HIVEP3: variants seen among roughly 807,000 people sequenced by gnomAD.
HIVEP3 encodes transcription factor HIVEP3.
HIVEP3 carries 49 observed loss-of-function variants against 152.8 expected under a neutral mutation model. The ratio of observed to expected loss-of-function variants is 0.32; its 90% CI spans 0.26 to 0.41. HIVEP3 has a LOEUF of 0.41. Among genes scored for constraint, HIVEP3 ranks in the 10% least tolerant of loss-of-function variants. The pLI, the probability that HIVEP3 is intolerant of heterozygous loss-of-function variation, is 1.00. For missense variants in HIVEP3, 2,790 were observed against 3,103.3 expected, an observed-to-expected ratio of 0.90 and a Z score of 2.40; for synonymous variants, 1,269 against 1,289.0, an observed-to-expected ratio of 0.98 and a Z score of 0.33.
At chr1:41,856,723 A>G (rs149617863) in intron 1 of HIVEP3, among the ~76,000 whole-genome samples, 1 of 152,208 alleles carries the variant, frequency 6.6e-6, no homozygotes, top group Non-Finnish European at 1.5e-5. Context: ...TCATCCAGCC[A>G]GAATTCTCCC....
At position 41,792,252 on chromosome 1, in the gene HIVEP3, T is replaced by C. The variant is rs538818438; in HGVS notation, c.-800-91257A>G. Among the ~76,000 whole-genome samples the C allele has an allele frequency of 5.5e-4, 84 of 152,318 alleles. No individual in the cohort carries two copies. In the South Asian group the frequency reaches 0.011, roughly 20 times the overall value. Reference sequence around the variant, plus strand: ...AAAGTTCCCCTGAGGCAAGGTTTCATCTGGGATTCTGGCCCAAGGGGCAGG... The same window carrying C: ...AAAGTTCCCCTGAGGCAAGGTTTCACCTGGGATTCTGGCCCAAGGGGCAGG... On this transcript the variant is annotated intron_variant, in intron 1 of 8. Transcript: ENST00000372583.
chr1:41,902,512 C>T (rs1259880786), intron 1 of HIVEP3, among the ~76,000 whole-genome samples: 1 of 152,192 alleles, frequency 6.6e-6, no homozygotes, highest in Non-Finnish European at 1.5e-5. Flanking sequence ...TATTCCCACC[C>T]TAATTAATAT....
At chr1:41,781,896 TCCTCTGCTCC>T (rs903772028) in intron 1 of HIVEP3, among the ~76,000 whole-genome samples, 1 of 152,226 alleles carries the variant, frequency 6.6e-6, no homozygotes, top group African/African-American at 2.4e-5. Context: ...AAGGTGTCTC[TCCTCTGCTCC>T]CAGGTGATCT....
chr1:42,019,290 A>C (rs1645540698), intron 1 of HIVEP3, among the ~76,000 whole-genome samples: 1 of 152,010 alleles, frequency 6.6e-6, no homozygotes, highest in Admixed American at 6.6e-5. Context: ...AGCCTGCTAG[A>C]ATTTTGAATG....
intron 3 of HIVEP3, among the ~76,000 whole-genome samples, chr1:41,607,449 T>G (rs189370885): frequency 6.6e-6 from 1 of 152,374 alleles, no homozygotes; most frequent in East Asian, 1.9e-4. Flanking sequence ...GCTATCTTCA[T>G]AGCAACCTGC....
rs1222137956 is a variant in HIVEP3 at position 41,918,136 on chromosome 1, T to C, written c.-801+277A>G. Among the ~76,000 whole-genome samples, 2 of 151,608 alleles carry C rather than the reference T, an allele frequency of 1.3e-5. No homozygotes were observed. Among genetic ancestry groups the C allele is most frequent in the African/African-American group, 4.9e-5 (2 of 41,024 alleles). On this transcript the variant is annotated intron_variant, in intron 1 of 8. Coordinates refer to ENST00000372583, the MANE Select transcript of HIVEP3 (RefSeq NM_024503.5). The surrounding 1 kb of genome is among the most constrained non-coding windows in gnomAD (Gnocchi z 4.3). Reference sequence around the variant, plus strand: ...CCGCCGCCGCCGCCGCCGCCGCCTGTGATTGACGCGCGGGGGTCACTTGAG... The same window carrying C: ...CCGCCGCCGCCGCCGCCGCCGCCTGCGATTGACGCGCGGGGGTCACTTGAG...
At chr1:41,574,039 C>T (rs1370497733) in intron 5 of HIVEP3, among the ~76,000 whole-genome samples, 1 of 152,172 alleles carries the variant, frequency 6.6e-6, no homozygotes, top group Non-Finnish European at 1.5e-5. Flanking sequence ...GCTCAGGCTT[C>T]CTGAGGTCTC....
At chr1:41,660,743 T>C (rs1438691724) in intron 2 of HIVEP3, among the ~76,000 whole-genome samples, 4 of 152,216 alleles carry the variant, frequency 2.6e-5, no homozygotes, top group Admixed American at 2.6e-4. Flanking sequence ...TGGACAAAGT[T>C]AAAGAGTCTT....
intron 1 of HIVEP3, among the ~76,000 whole-genome samples, chr1:41,899,911 T>A (rs1264191557): frequency 6.6e-6 from 1 of 152,180 alleles, no homozygotes; most frequent in East Asian, 1.9e-4. Context: ...TACATTATTG[T>A]CCCTGAACCA....
At chr1:41,701,584 A>C (rs1252196139) in intron 1 of HIVEP3, among the ~76,000 whole-genome samples, 1 of 152,226 alleles carries the variant, frequency 6.6e-6, no homozygotes, top group Non-Finnish European at 1.5e-5. Flanking sequence ...TAAGCTGTGC[A>C]GGATGGCAGA....
intron 1 of HIVEP3, among the ~76,000 whole-genome samples, chr1:41,875,832 C>T (rs1403394145): frequency 6.6e-6 from 1 of 152,204 alleles, no homozygotes; most frequent in Non-Finnish European, 1.5e-5. Flanking sequence ...ATTCTCTATC[C>T]CTGGACTGTG....
chr1:41,715,463 G>C (rs1646577476), intron 1 of HIVEP3, among the ~76,000 whole-genome samples: 1 of 152,150 alleles, frequency 6.6e-6, no homozygotes, highest in South Asian at 2.1e-4. Context: ...TGGGGACTGG[G>C]GGTCCTCACG....
chr1:41,585,130 G>C lies in HIVEP3; in HGVS notation c.-333C>G. ...CCATTGTATTGTTTCAGCTGGCAGT[G>C]GCAGGTGGCCCCCACGAGTCCCCCG... On this transcript the variant is annotated 5_prime_UTR_variant, in exon 4 of 9. Coordinates refer to ENST00000372583, the MANE Select transcript of HIVEP3 (RefSeq NM_024503.5). 1 of 400,244 alleles carries C rather than the reference G, an allele frequency of 2.5e-6. No individual in the cohort carries two copies. Among genetic ancestry groups the C allele is most frequent in the Non-Finnish European group, 4.4e-6 (1 of 227,446 alleles). 24.8% of individuals were successfully genotyped at this position (400,244 alleles called of 1,614,324 possible).
In HIVEP3 at chr1:41,513,579, G is replaced by A. The variant is rs199837627; in HGVS notation, c.5642C>T (p.Ala1881Val). 300 of 1,613,128 alleles carry A rather than the reference G, an allele frequency of 1.9e-4. No homozygotes were observed. Among genetic ancestry groups the A allele is most frequent in the South Asian group, 2.5e-4 (23 of 91,024 alleles). Residue 1881 changes from alanine (A) to valine (V), a missense_variant, in exon 8 of 9, where the codon GCG becomes GTG. By Grantham distance (64) the Ala-to-Val change is moderately conservative. Around this residue, in one of 9 missense-constraint regions of HIVEP3, gnomAD observed 816 missense variants for 806.5 expected, o/e 1.01. Coordinates refer to ENST00000372583, the MANE Select transcript of HIVEP3 (RefSeq NM_024503.5). The part of the protein sequence containing the change: ...QDELSRPSSE[A>V]PPPGPPHALR... ...TGCATGTGGTGGGCCAGGCGGGGGC[G>A]CCTCTGAGGATGGTCTGGACAGCTC...
intron 1 of HIVEP3, among the ~76,000 whole-genome samples, chr1:41,762,256 T>G (rs988247559): frequency 6.6e-6 from 1 of 152,192 alleles, no homozygotes; most frequent in Non-Finnish European, 1.5e-5. Flanking sequence ...TGTAGCTTAA[T>G]AAAACTCTTA....
At chr1:41,993,340 G>C (rs1184849049) in intron 1 of HIVEP3, among the ~76,000 whole-genome samples, 2 of 150,630 alleles carry the variant, frequency 1.3e-5, no homozygotes, top group African/African-American at 4.9e-5. Flanking sequence ...GTGGGCAAAG[G>C]ACATGAACAG....
intron 1 of HIVEP3, among the ~76,000 whole-genome samples, chr1:41,800,514 A>G (rs967749502): frequency 6.6e-6 from 1 of 152,224 alleles, no homozygotes; most frequent in Admixed American, 6.5e-5. Flanking sequence ...CAGCCCCACC[A>G]CCAGCTGAAT....
In HIVEP3 at chr1:41,969,494, C is replaced by T. The variant is rs112445529; in HGVS notation, n.120-50970G>A. Among the ~76,000 whole-genome samples, 1,249 of 152,088 alleles carry T rather than the reference C, an allele frequency of 8.2e-3. 19 individuals carry two copies. Among genetic ancestry groups the T allele is most frequent in the African/African-American group, 0.029 (1,205 of 41,504 alleles). On this transcript the variant is annotated intron_variant and non_coding_transcript_variant, in intron 1 of 3. Coordinates refer to the HIVEP3 transcript ENST00000489103. ...TATTAATAAATGGTGCTAGGAGAAC[C>T]GGCTAGTCATATGAAGAAAATTGAA...
chr1:41,787,688 T>A (rs1162436923), intron 1 of HIVEP3, among the ~76,000 whole-genome samples: 1 of 147,258 alleles, frequency 6.8e-6, no homozygotes, highest in Non-Finnish European at 1.5e-5. Flanking sequence ...GCCCAGCTAA[T>A]TAAAAAAATT....
Sources: allele counts gnomAD v4.1 joint callset (sites outside exome capture counted in the v4.1 genomes callset), GRCh38; gene constraint gnomAD v4.1.1; regional missense constraint gnomAD v4.1.1; non-coding constraint Gnocchi (gnomAD v3.1); transcripts MANE v1.5; gene names NCBI Gene and HGNC (gene_info 2026-07-23, HGNC 2026-07-21).